FAXDC2: variants seen among roughly 807,000 people sequenced by gnomAD.
The protein encoded by FAXDC2 is fatty acid hydroxylase domain containing 2.
A neutral mutation model predicts 40.9 loss-of-function variants in FAXDC2; 41 were observed. That is an observed-to-expected ratio of 1.00 (90% confidence interval 0.78 to 1.30). The LOEUF is 1.30. Among genes scored for constraint, FAXDC2 ranks in the 50% most tolerant of loss-of-function variants. The pLI, the probability that FAXDC2 is intolerant of heterozygous loss-of-function variation, is 0.00. For synonymous variants in FAXDC2, 157 were observed against 149.3 expected (o/e 1.05, Z -0.38); for missense variants, 390 against 408.8 (o/e 0.95, Z 0.40).
Position 154,820,351 on chromosome 5 carries a change from C to CA in FAXDC2, c.966dup (p.Glu323Ter), listed in dbSNP as rs1205474656. On this transcript the variant is annotated frameshift_variant, in exon 9 of 9. Transcript: ENST00000326080. LOFTEE classifies it high-confidence loss of function. Reference sequence around the variant, plus strand: ...CTCTTTGGGGAGTCTGGGATGCTCTCAGAGAGCGGGGTGAAGCCCAGCAGG... The same window carrying CA: ...CTCTTTGGGGAGTCTGGGATGCTCTCAAGAGAGCGGGGTGAAGCCCAGCAGG... 1.2e-6 allele frequency: 2 copies of CA among 1,613,100 alleles called. No individual in the cohort carries two copies. Among genetic ancestry groups the CA allele is most frequent in the African/African-American group, 1.3e-5 (1 of 74,988 alleles).
intron 4 of FAXDC2, among the ~76,000 whole-genome samples, chr5:154,834,091 A>G (rs983720570): frequency 8.1e-5 from 12 of 148,982 alleles, no homozygotes; most frequent in Non-Finnish European, 1.8e-4. Context: ...AATAAATTGT[A>G]TATAATTATT....
At chr5:154,846,024 GA>G (rs1168245147) in intron 1 of FAXDC2, among the ~76,000 whole-genome samples, 2 of 151,226 alleles carry the variant, frequency 1.3e-5, no homozygotes, top group Non-Finnish European at 2.9e-5. Context: ...GGATGGTCTC[GA>G]TCTCCTGACC....
At chr5:154,849,340 T>C (rs1220387442) in intron 1 of FAXDC2, among the ~76,000 whole-genome samples, 1 of 152,020 alleles carries the variant, frequency 6.6e-6, no homozygotes, top group East Asian at 1.9e-4. Flanking sequence ...TAAAAATGAT[T>C]CCCATGGGCC....
intron 5 of FAXDC2, 130 bp downstream of exon 5, chr5:154,830,671 G>C (rs1760165031): frequency 2.9e-6 from 3 of 1,031,400 alleles, no homozygotes; most frequent in Non-Finnish European, 2.9e-6. Context: ...CTTCTAAACT[G>C]GGGGAGCCTT....
intron 6 of FAXDC2, 156 bp downstream of exon 6, chr5:154,823,231 C>T: frequency 1.5e-6 from 1 of 657,126 alleles, no homozygotes. Context: ...CCAGGCTAGT[C>T]TCAAACTCCT....
chr5:154,840,833 G>A (rs911581522), intron 1 of FAXDC2, among the ~76,000 whole-genome samples: 1 of 152,184 alleles, frequency 6.6e-6, no homozygotes, highest in Non-Finnish European at 1.5e-5. Flanking sequence ...TTATAGGCAT[G>A]AGCCACTGTG....
intron 5 of FAXDC2, among the ~76,000 whole-genome samples, chr5:154,827,324 A>AC (rs1561653617): frequency 6.6e-6 from 1 of 151,308 alleles, no homozygotes; most frequent in African/African-American, 2.4e-5. Flanking sequence ...AAAAAAACCA[A>AC]CAAAACCCAA....
rs869068025 is a variant in FAXDC2, at chr5:154,835,883, C to CTTTTTTTTTTTTTTTTTT, written c.49-967_49-950dup. ...GGAGTGAGCCACCGCGCCCGGCCGA[C>CTTTTTTTTTTTTTTTTTT]TTTTTTTTTTTTTTTTTTTTTTTTT... On this transcript the variant is annotated intron_variant, in intron 2 of 8. Coordinates refer to ENST00000326080, the MANE Select transcript of FAXDC2 (RefSeq NM_032385.5). Among the ~76,000 whole-genome samples, 33 of 47,868 alleles carry CTTTTTTTTTTTTTTTTTT rather than the reference C, an allele frequency of 6.9e-4. 2 individuals are homozygous for CTTTTTTTTTTTTTTTTTT. Among genetic ancestry groups the CTTTTTTTTTTTTTTTTTT allele is most frequent in the Admixed American group, 9.0e-4 (3 of 3,338 alleles). 31.4% of individuals were successfully genotyped at this position (47,868 alleles called of 152,430 possible).
At chr5:154,847,533 G>C (rs1760627637) in intron 1 of FAXDC2, among the ~76,000 whole-genome samples, 1 of 148,060 alleles carries the variant, frequency 6.8e-6, no homozygotes, top group South Asian at 2.1e-4. Context: ...TGTTGCGCAG[G>C]CTGGAGTGCA....
chr5:154,842,882 T>C (rs2113167052), intron 1 of FAXDC2, among the ~76,000 whole-genome samples: 1 of 150,886 alleles, frequency 6.6e-6, no homozygotes, highest in African/African-American at 2.4e-5. Flanking sequence ...TTGCTGAGGC[T>C]GGTCTCTAAC....
At position 154,823,508 on chromosome 5, in the gene FAXDC2, A is replaced by G; in HGVS notation, c.451T>C (p.Tyr151His). 3 of 1,614,228 alleles carry G rather than the reference A, an allele frequency of 1.9e-6. No individual in the cohort carries two copies. Among genetic ancestry groups the G allele is most frequent in the Non-Finnish European group, 2.5e-6 (3 of 1,180,026 alleles). Reference sequence around the variant, plus strand: ...TCTCTCCACCATTTGAGGAAGGGATAGAGGAAGACCACCATGGGGAAAGAT... The same window carrying G: ...TCTCTCCACCATTTGAGGAAGGGATGGAGGAAGACCACCATGGGGAAAGAT... ...MISFPMVVFL[Y>H]PFLKWWRDPC... The change falls in exon 6 of 9, where the codon TAT (tyrosine) becomes CAT (histidine). Residue 151 changes from tyrosine (Y) to histidine (H), a missense_variant. Coordinates refer to ENST00000326080, the MANE Select transcript of FAXDC2 (RefSeq NM_032385.5).
chr5:154,821,382 G>A lies in FAXDC2; in HGVS notation c.723C>T (p.Gly241=), dbSNP rs761234799. ...ACATGGTGATGGAGGACAAGTGGGAGCCCATTACTAATGGGCCCACTATCA... is the reference window on the plus strand; with the variant it reads ...ACATGGTGATGGAGGACAAGTGGGAACCCATTACTAATGGGCCCACTATCA... ...LPVIVGPLVM[G]SHLSSITMWF... is the part of the protein sequence containing the mutation. The change falls in exon 8 of 9, where the codon GGC becomes GGT. Residue 241 remains glycine, a synonymous_variant. Transcript: ENST00000326080. 2.7e-5 allele frequency: 44 copies of A among 1,611,916 alleles called. No homozygotes were observed. The East Asian group carries it at 9.8e-4, about 36-fold the overall frequency.
intron 5 of FAXDC2, among the ~76,000 whole-genome samples, chr5:154,824,879 AGG>A (rs1759982168): frequency 2.0e-5 from 3 of 151,712 alleles, no homozygotes; most frequent in Non-Finnish European, 1.5e-5. Flanking sequence ...ACTTGAGGCC[AGG>A]AATTTGAGAG....
At chr5:154,833,743 A>C (rs1168779805) in intron 4 of FAXDC2, among the ~76,000 whole-genome samples, 2 of 151,258 alleles carry the variant, frequency 1.3e-5, no homozygotes, top group African/African-American at 2.4e-5. Flanking sequence ...ATCTTGGCTC[A>C]CTGCAACCCG....
In FAXDC2 at chr5:154,834,746, G is replaced by T; in HGVS notation, c.141-18C>A. 6.2e-7 allele frequency: 1 copy of T among 1,611,914 alleles called. No individual in the cohort carries two copies. Among genetic ancestry groups the T allele is most frequent in the Non-Finnish European group, 8.5e-7 (1 of 1,178,246 alleles). ...GAAGATGCCTTGGAAAAAAAACCAG[G>T]TTTCTGGGTGAAGACTAGTGGGTGG... On this transcript the variant is annotated intron_variant, in intron 3 of 8. Transcript: ENST00000326080.
At chr5:154,822,357 A>G (rs1228230222) in intron 7 of FAXDC2, 115 bp downstream of exon 7, 3 of 725,268 alleles carry the variant, frequency 4.1e-6, no homozygotes, top group Non-Finnish European at 7.3e-6. Flanking sequence ...AATGGTAGCT[A>G]TTTTTAAATG....
chr5:154,845,396 T>C (rs1278022496), intron 1 of FAXDC2, among the ~76,000 whole-genome samples: 3 of 152,242 alleles, frequency 2.0e-5, no homozygotes, highest in Non-Finnish European at 2.9e-5. Flanking sequence ...TGAAGTACCA[T>C]AGTCATTACT....
chr5:154,832,362 C>T (rs1175195028), intron 4 of FAXDC2, among the ~76,000 whole-genome samples: 5 of 152,018 alleles, frequency 3.3e-5, no homozygotes, highest in Middle Eastern at 3.2e-3. Flanking sequence ...TACTGGCGCC[C>T]GCCACCGCGC....
At chr5:154,839,342 A>G (rs1282021748) in intron 1 of FAXDC2, among the ~76,000 whole-genome samples, 1 of 151,192 alleles carries the variant, frequency 6.6e-6, no homozygotes. Flanking sequence ...AAAAAAAAAA[A>G]GAAAAGAAAT....
Sources: allele counts gnomAD v4.1 joint callset (sites outside exome capture counted in the v4.1 genomes callset), GRCh38; gene constraint gnomAD v4.1.1; transcripts MANE v1.5; gene names NCBI Gene and HGNC (gene_info 2026-07-23, HGNC 2026-07-21).